Variants in C2CD2L observed in about 807,000 individuals in gnomAD.
C2CD2L encodes the protein C2CD2 like, also known as phospholipid transfer protein C2CD2L.
In C2CD2L, 24 loss-of-function variants were observed where a neutral mutation model predicts 69.9. That is an observed-to-expected ratio of 0.34 (90% CI 0.25 to 0.48). The LOEUF is 0.48. Ranked by LOEUF, C2CD2L falls within the 20% of genes least tolerant of loss-of-function variation. C2CD2L has a pLI of 0.99. For synonymous variants in C2CD2L, 367 were observed against 391.0 expected (o/e 0.94, Z 0.72); for missense variants, 811 against 941.5 (o/e 0.86, Z 1.81).
At position 119,110,585 on chromosome 11, in the gene C2CD2L, G is replaced by A. The variant is rs1417614526; in HGVS notation, c.475G>A (p.Glu159Lys). 6.2e-7 allele frequency: 1 copy of A among 1,610,070 alleles called. No individual in the cohort carries two copies. Among genetic ancestry groups the A allele is most frequent in the Non-Finnish European group, 8.5e-7 (1 of 1,179,270 alleles). The change falls in exon 3 of 14, where the codon GAG becomes AAG. Residue 159 changes from glutamate to lysine, a missense_variant. By Grantham distance (56) the Glu-to-Lys change is moderately conservative (BLOSUM62 1). Transcript: ENST00000648610. This position sits in a 1 kb window ranked among gnomAD's most constrained non-coding sequence, Gnocchi z 5.7. The part of the protein sequence containing the change: ...TMVLRCQLSA[E>K]EVRFPVSVTQ... ...GGTGCTGCGTTGCCAGCTCTCTGCT[G>A]AGGAGGTGCGGTTCCCAGTCTCTGT...
Position 119,112,741 on chromosome 11 carries a change from C to T in C2CD2L, c.1254C>T (p.Pro418=), listed in dbSNP as rs1405214583. ...EEGSPRNLGT[P]TSSTPRPSIT... is the part of the protein sequence containing the mutation. Reference sequence around the variant, plus strand: ...GCTCTCCCCGGAACCTGGGTACTCCCACCTCCTCCACTCCACGCCCCAGCA... The same window carrying T: ...GCTCTCCCCGGAACCTGGGTACTCCTACCTCCTCCACTCCACGCCCCAGCA... Residue 418 remains proline (P), a synonymous_variant, in exon 10 of 14, where the codon CCC becomes CCT. Transcript: ENST00000648610. The T allele has an allele frequency of 2.5e-6, 4 of 1,613,872 alleles. No individual in the cohort carries two copies. The highest frequency in any genetic ancestry group is 1.6e-4 in the Middle Eastern group (1 of 6,080).
In C2CD2L at chr11:119,112,714, G is replaced by A; in HGVS notation, c.1227G>A (p.Glu409=). Residue 409 remains glutamate, a synonymous_variant, in exon 10 of 14, where the codon GAG becomes GAA. Coordinates refer to ENST00000648610, the MANE Select transcript of C2CD2L (RefSeq NM_001290474.2). ...ATMAVELHYE[E]GSPRNLGTPT... Reference sequence around the variant, plus strand: ...CCCCTGGGCAGCTTCACTATGAGGAGGGCTCTCCCCGGAACCTGGGTACTC... The same window carrying A: ...CCCCTGGGCAGCTTCACTATGAGGAAGGCTCTCCCCGGAACCTGGGTACTC... 6.2e-7 allele frequency: 1 copy of A among 1,613,608 alleles called. No homozygotes were observed. The highest frequency in any genetic ancestry group is 8.5e-7 in the Non-Finnish European group (1 of 1,179,728).
Position 119,116,006 on chromosome 11 carries a change from G to A in C2CD2L, c.1910-39G>A, listed in dbSNP as rs372968002. 81 of 1,206,214 alleles carry A rather than the reference G, an allele frequency of 6.7e-5. No homozygotes were observed. In the African/African-American group the frequency reaches 8.8e-4, roughly 13 times the overall value. 74.7% of individuals were successfully genotyped at this position (1,206,214 alleles called of 1,614,324 possible). A position where few individuals can be genotyped will look rare whatever the true frequency, so the allele number is the denominator to read the frequency against. ...CTCTGCCCCCGTCTCACCCCACCCC[G>A]TGCCCCTCTCTGCCTCAGCTTCCCC... On this transcript the variant is annotated intron_variant, in intron 13 of 13. Transcript: ENST00000648610.
rs778529106 is a variant in C2CD2L at position 119,112,876 on chromosome 11, TAA to T, written c.1387+4_1387+5del. On this transcript the variant is annotated splice_donor_region_variant and intron_variant, in intron 10 of 13. Transcript: ENST00000648610. ...GGCCCCGTATAGACGGCAAATTAGG[TAA>T]AGAGAAGGAGCCTGGGAGCCCAGCT... is the stretch of plus-strand genomic sequence containing the variant. 1.9e-6 allele frequency: 3 copies of T among 1,613,084 alleles called. No homozygotes were observed. The highest frequency in any genetic ancestry group is 2.5e-6 in the Non-Finnish European group (3 of 1,179,514).
rs1189209616 is a variant in C2CD2L, at chr11:119,107,561, G to A, written c.-181G>A. 9.5e-6 allele frequency: 4 copies of A among 419,638 alleles called. No individual in the cohort carries two copies. Among genetic ancestry groups the A allele is most frequent in the African/African-American group, 8.3e-5 (4 of 48,104 alleles). 26.0% of individuals were successfully genotyped at this position (419,638 alleles called of 1,614,324 possible). A position where few individuals can be genotyped will look rare whatever the true frequency, so the allele number is the denominator to read the frequency against. ...GAGACCCCGGCATCGCGACCCCCGA[G>A]GACCTCCTCTCCTCGCCCTGTGGCA... On this transcript the variant is annotated 5_prime_UTR_variant, in exon 1 of 14. Coordinates refer to ENST00000648610, the MANE Select transcript of C2CD2L (RefSeq NM_001290474.2). This position sits in a 1 kb window ranked among gnomAD's most constrained non-coding sequence, Gnocchi z 5.4.
intron 10 of C2CD2L, 34 bp downstream of exon 10, chr11:119,112,908 C>CTG (rs1203340363): frequency 1.6e-5 from 25 of 1,597,038 alleles, no homozygotes; most frequent in Non-Finnish European, 2.1e-5. Flanking sequence ...CCAGCTCTAG[C>CTG]CAGGGGCCCG....
In C2CD2L at chr11:119,107,999, G is replaced by A. The variant is rs1408600098; in HGVS notation, c.258G>A (p.Arg86=). Residue 86 remains arginine, a synonymous_variant, in exon 1 of 14, where the codon CGG becomes CGA. Transcript: ENST00000648610. This position sits in a 1 kb window ranked among gnomAD's most constrained non-coding sequence, Gnocchi z 5.4. ...RAGAAEEPGV[R]GLLASLFAFK... is the part of the protein sequence containing the mutation. Reference sequence around the variant, plus strand: ...GCGCCGCCGAGGAGCCAGGAGTCCGGGGCCTCCTGGCGTCACTCTTCGCCT... The same window carrying A: ...GCGCCGCCGAGGAGCCAGGAGTCCGAGGCCTCCTGGCGTCACTCTTCGCCT... The A allele has an allele frequency of 6.3e-7, 1 of 1,583,980 alleles. No individual in the cohort carries two copies. The highest frequency in any genetic ancestry group is 1.1e-5 in the South Asian group (1 of 89,372).
chr11:119,107,810 G>A lies in C2CD2L; in HGVS notation c.69G>A (p.Leu23=). 1.3e-6 allele frequency: 2 copies of A among 1,552,080 alleles called. No individual in the cohort carries two copies. The highest frequency in any genetic ancestry group is 1.9e-5 in the Admixed American group (1 of 53,692). Reference sequence around the variant, plus strand: ...TGCTGATCCTCTTCGCCGCCTCGCTGCTCACGGTGTTCGCCTGGCTGCTGC... The same window carrying A: ...TGCTGATCCTCTTCGCCGCCTCGCTACTCACGGTGTTCGCCTGGCTGCTGC... The part of the protein sequence containing the change: ...AALLILFAAS[L]LTVFAWLLQY... The change falls in exon 1 of 14, where the codon CTG becomes CTA. Residue 23 remains leucine (L), a synonymous_variant. Coordinates refer to ENST00000648610, the MANE Select transcript of C2CD2L (RefSeq NM_001290474.2). The surrounding 1 kb of genome is among the most constrained non-coding windows in gnomAD (Gnocchi z 5.4).
rs761505988 is a variant in C2CD2L, at chr11:119,110,524, C to A, written c.451-37C>A. 4.4e-6 allele frequency: 7 copies of A among 1,595,232 alleles called. No homozygotes were observed. The Admixed American group carries it at 8.5e-5, about 19-fold the overall frequency. On this transcript the variant is annotated intron_variant, in intron 2 of 13. Transcript: ENST00000648610. The surrounding 1 kb of genome is among the most constrained non-coding windows in gnomAD (Gnocchi z 5.7). ...AGGGCAGTTCAAAGCAGGGTGAGCA[C>A]CCTTCCCCCACATCTGACCCACCTC...
At chr11:119,102,403 A>C (rs3825059), upstream of C2CD2L, 430,064 of 457,282 alleles carry the variant, frequency 0.94, 203,198 homozygotes, top group African/African-American at 0.98. Flanking sequence ...CCCGGAAACA[A>C]AGCTACGATT....
chr11:119,105,006 T>C (rs1335463868), upstream of C2CD2L, among the ~76,000 whole-genome samples: 2 of 152,232 alleles, frequency 1.3e-5, no homozygotes, highest in African/African-American at 4.8e-5. Context: ...ATGAATGATA[T>C]TTCAAAAGAC....
Position 119,110,457 on chromosome 11 carries a change from CT to C in C2CD2L, c.451-102del. ...TTTATGATCCTGAAAACATGAAGTC[CT>C]TAGGAAAACGGAAGTGGGGAGGGGT... On this transcript the variant is annotated intron_variant, in intron 2 of 13. Transcript: ENST00000648610. The surrounding 1 kb of genome is among the most constrained non-coding windows in gnomAD (Gnocchi z 5.7). The C allele has an allele frequency of 7.5e-7, 1 of 1,333,376 alleles. No individual in the cohort carries two copies. 82.6% of individuals were successfully genotyped at this position (1,333,376 alleles called of 1,614,324 possible). A position where few individuals can be genotyped will look rare whatever the true frequency, so the allele number is the denominator to read the frequency against.
chr11:119,112,465 G>A lies in C2CD2L; in HGVS notation c.1085-17G>A. 1 of 1,613,852 alleles carries A rather than the reference G, an allele frequency of 6.2e-7. No homozygotes were observed. Among genetic ancestry groups the A allele is most frequent in the Non-Finnish European group, 8.5e-7 (1 of 1,179,886 alleles). On this transcript the variant is annotated splice_polypyrimidine_tract_variant and intron_variant, in intron 8 of 13. Transcript: ENST00000648610. The stretch of plus-strand genomic sequence containing the variant: ...TCTGGCCATGGGCCCAGCTCACAGT[G>A]CCATCCCTTTCCCCAGCCGAACTCC...
upstream of C2CD2L, among the ~76,000 whole-genome samples, chr11:119,103,267 GA>G (rs1946538023): frequency 6.6e-6 from 1 of 152,176 alleles, no homozygotes; most frequent in South Asian, 2.1e-4. Flanking sequence ...TGTCAGAGAG[GA>G]AGTCACCACC....
chr11:119,102,476 T>C (rs1000213032), upstream of C2CD2L: 1 of 374,030 alleles, frequency 2.7e-6, no homozygotes, highest in Admixed American at 3.6e-5. Context: ...TCTGTTTTTC[T>C]TGTCCTCGAT....
chr11:119,110,517 G>T lies in C2CD2L; in HGVS notation c.451-44G>T. On this transcript the variant is annotated intron_variant, in intron 2 of 13. Coordinates refer to ENST00000648610, the MANE Select transcript of C2CD2L (RefSeq NM_001290474.2). This position sits in a 1 kb window ranked among gnomAD's most constrained non-coding sequence, Gnocchi z 5.7. ...CTATTACAGGGCAGTTCAAAGCAGGGTGAGCACCCTTCCCCCACATCTGAC... is the reference window on the plus strand; with the variant it reads ...CTATTACAGGGCAGTTCAAAGCAGGTTGAGCACCCTTCCCCCACATCTGAC... 6.3e-7 allele frequency: 1 copy of T among 1,590,584 alleles called. No individual in the cohort carries two copies. The highest frequency in any genetic ancestry group is 1.3e-5 in the African/African-American group (1 of 74,634).
Position 119,112,378 on chromosome 11 carries a change from G to A in C2CD2L, c.1070G>A (p.Ser357Asn). ...CTGACCCTCAAAGTGCTGAGGAGCA[G>A]CAGCTGTGGAGACAGTAAGTGAGGG... Reference protein sequence around the residue: ...RELTLKVLRSSSCGDTELLGQ... With the variant: ...RELTLKVLRSNSCGDTELLGQ... Residue 357 changes from serine to asparagine, a missense_variant, in exon 8 of 14, where the codon AGC becomes AAC. By Grantham distance (46) the Ser-to-Asn change is conservative. Transcript: ENST00000648610. The A allele has an allele frequency of 6.2e-7, 1 of 1,613,786 alleles. No homozygotes were observed. Among genetic ancestry groups the A allele is most frequent in the Non-Finnish European group, 8.5e-7 (1 of 1,179,896 alleles).
rs968393302 is a variant in C2CD2L, at chr11:119,107,434, A to G, written c.-308A>G. On this transcript the variant is annotated 5_prime_UTR_variant, in exon 1 of 14. Coordinates refer to ENST00000648610, the MANE Select transcript of C2CD2L (RefSeq NM_001290474.2). This position sits in a 1 kb window ranked among gnomAD's most constrained non-coding sequence, Gnocchi z 5.4. ...GCGTCTCTGCAGACCAGTCCCCTCC[A>G]GGGTCCGGCGGGGCCCGCGCGGTGG... 1.4e-4 allele frequency: 37 copies of G among 259,986 alleles called. No individual in the cohort carries two copies. Among genetic ancestry groups the G allele is most frequent in the African/African-American group, 7.4e-4 (33 of 44,814 alleles). The allele number at this position is 259,986 out of a possible 1,614,324, so 16.1% of individuals were successfully genotyped here.
Position 119,110,310 on chromosome 11 carries a change from T to A in C2CD2L, c.450+111T>A. 3 of 884,250 alleles carry A rather than the reference T, an allele frequency of 3.4e-6. No homozygotes were observed. Among genetic ancestry groups the A allele is most frequent in the Non-Finnish European group, 5.3e-6 (3 of 563,986 alleles). The allele number at this position is 884,250 out of a possible 1,614,324, so 54.8% of individuals were successfully genotyped here. ...GGAGTCTGTGAATGCCTTATGGATCTAAGGATTGGTTTCAGGAAGTCTGAG... is the reference window on the plus strand; with the variant it reads ...GGAGTCTGTGAATGCCTTATGGATCAAAGGATTGGTTTCAGGAAGTCTGAG... On this transcript the variant is annotated intron_variant, in intron 2 of 13. Transcript: ENST00000648610. This position sits in a 1 kb window ranked among gnomAD's most constrained non-coding sequence, Gnocchi z 5.7.
Sources: allele counts gnomAD v4.1 joint callset (sites outside exome capture counted in the v4.1 genomes callset), GRCh38; gene constraint gnomAD v4.1.1; non-coding constraint Gnocchi (gnomAD v3.1); transcripts MANE v1.5; gene names NCBI Gene and HGNC (gene_info 2026-07-23, HGNC 2026-07-21).